Variants in ASB2 observed in about 807,000 individuals in gnomAD.
The protein encoded by ASB2 is ankyrin repeat and SOCS box protein 2.
In ASB2, 58 loss-of-function variants were observed where a neutral mutation model predicts 62.4. The observed-to-expected ratio is 0.93, with a 90% CI of 0.75 to 1.16. The LOEUF (loss-of-function observed/expected upper bound fraction) is 1.16. ASB2 is among the 50% of genes most tolerant of loss of function. The pLI is 0.00. For synonymous variants in ASB2, 386 were observed against 385.3 expected (o/e 1.00, Z -0.02); for missense variants, 928 against 887.9 (o/e 1.05, Z -0.57).
Position 93,966,170 on chromosome 14 carries a change from T to C in ASB2, c.-73-1558A>G, listed in dbSNP as rs550753674. 5.3e-5 allele frequency among the ~76,000 whole-genome samples: 8 copies of C among 152,366 alleles called. No individual in the cohort carries two copies. The South Asian group carries it at 1.7e-3, about 32-fold the overall frequency. Reference sequence around the variant, plus strand: ...GGCTGGCCAAACAGCTCCATTTTCATAGGGTGTGGCAGATCCTGCGGATAG... The same window carrying C: ...GGCTGGCCAAACAGCTCCATTTTCACAGGGTGTGGCAGATCCTGCGGATAG... On this transcript the variant is annotated intron_variant, in intron 1 of 9. Coordinates refer to ENST00000555019, the MANE Select transcript of ASB2 (RefSeq NM_001202429.2).
chr14:93,961,043 C>G (rs574960035), intron 2 of ASB2, among the ~76,000 whole-genome samples: 1 of 152,288 alleles, frequency 6.6e-6, no homozygotes, highest in Admixed American at 6.5e-5. Flanking sequence ...TGGGAACACT[C>G]TCAGGAGGGT....
At chr14:93,939,803 C>G in intron 7 of ASB2, 131 bp from the exon 8 acceptor site, 2 of 710,372 alleles carry the variant, frequency 2.8e-6, no homozygotes. Flanking sequence ...CGACGCGGAT[C>G]CCACCGGCAG....
rs981187741 is a variant in ASB2 at position 93,957,252 on chromosome 14, C to A, written c.207-382G>T. 1.3e-5 allele frequency: 15 copies of A among 1,189,302 alleles called. No individual in the cohort carries two copies. The African/African-American group carries it at 2.4e-4, about 19-fold the overall frequency. The allele number at this position is 1,189,302 out of a possible 1,614,324, so 73.7% of individuals were successfully genotyped here. On this transcript the variant is annotated intron_variant, in intron 2 of 9. Transcript: ENST00000555019. ...GGTCCCAGGATGAAAGGGGCTCAGGCTCACTGCTGGCCAGGCAGATCCCTG... is the reference window on the plus strand; with the variant it reads ...GGTCCCAGGATGAAAGGGGCTCAGGATCACTGCTGGCCAGGCAGATCCCTG...
chr14:93,934,335 G>A lies in ASB2; in HGVS notation c.*321C>T, dbSNP rs1161483103. ...TGGAGGGGCACAGGGAAGGCTCTGA[G>A]CACCACCTTCCCCAGAACACCTCAA... On this transcript the variant is annotated 3_prime_UTR_variant, in exon 10 of 10. Coordinates refer to ENST00000555019, the MANE Select transcript of ASB2 (RefSeq NM_001202429.2). 2 of 449,754 alleles carry A rather than the reference G, an allele frequency of 4.4e-6. No homozygotes were observed. The highest frequency in any genetic ancestry group is 8.5e-6 in the Non-Finnish European group (2 of 235,712). The allele number at this position is 449,754 out of a possible 1,614,324, so 27.9% of individuals were successfully genotyped here.
Position 93,955,220 on chromosome 14 carries a change from G to A in ASB2, c.312-737C>T, listed in dbSNP as rs573509366. On this transcript the variant is annotated intron_variant, in intron 3 of 9. Coordinates refer to ENST00000555019, the MANE Select transcript of ASB2 (RefSeq NM_001202429.2). ...CCCAGATGGAGAAGGTGAGGCTGGA[G>A]GCAGGCCTCATTCCCAGGACACCCA... is the stretch of plus-strand genomic sequence containing the variant. 4.3e-4 allele frequency: 195 copies of A among 453,550 alleles called. 1 individual carries two copies. The Admixed American group carries it at 4.6e-3, about 11-fold the overall frequency. 28.1% of individuals were successfully genotyped at this position (453,550 alleles called of 1,614,324 possible).
In ASB2 at chr14:93,947,453, A is replaced by C. The variant is rs776188324; in HGVS notation, c.948T>G (p.His316Gln). ...SALYEACKNE[H>Q]EEVVEFLLSQ... ...ACAGCAGAAACTCCACCACCTCCTCATGCTCATTCTTGCAGGCCTCGTAGA... is the reference window on the plus strand; with the variant it reads ...ACAGCAGAAACTCCACCACCTCCTCCTGCTCATTCTTGCAGGCCTCGTAGA... The change falls in exon 7 of 10, where the codon CAT becomes CAG. Residue 316 changes from histidine (H) to glutamine (Q), a missense_variant. His to Gln is a conservative substitution (Grantham distance 24). Coordinates refer to ENST00000555019, the MANE Select transcript of ASB2 (RefSeq NM_001202429.2). 1 of 1,614,114 alleles carries C rather than the reference A, an allele frequency of 6.2e-7. No homozygotes were observed. Among genetic ancestry groups the C allele is most frequent in the Non-Finnish European group, 8.5e-7 (1 of 1,180,006 alleles).
At chr14:93,957,009 A>G (rs1236062763) in intron 2 of ASB2, 139 bp from the exon 3 acceptor site, 5 of 1,539,422 alleles carry the variant, frequency 3.2e-6, no homozygotes, top group Non-Finnish European at 4.4e-6. Context: ...GAACCAAAGC[A>G]GATGGCCGGG....
At position 93,939,494 on chromosome 14, in the gene ASB2, G is replaced by C. The variant is rs757932080; in HGVS notation, c.1231C>G (p.Arg411Gly). The C allele has an allele frequency of 3.1e-6, 5 of 1,610,780 alleles. No homozygotes were observed. Among genetic ancestry groups the C allele is most frequent in the Non-Finnish European group, 4.2e-6 (5 of 1,178,994 alleles). The change falls in exon 8 of 10, where the codon CGC (arginine) becomes GGC (glycine). Residue 411 changes from arginine to glycine, a missense_variant. Physicochemically the swap from Arg to Gly is moderately radical, Grantham distance 125. Transcript: ENST00000555019. ...ACCGCGAAGTACAGCGCGGAGCTGC[G>C]CCGGTCTTCGTAGAGGCGCGCGCGC... ...PERARLYEDR[R>G]SSALYFAVVN...
At chr14:93,954,136 G>A (rs1889082587) in intron 4 of ASB2, 181 bp downstream of exon 4, 1 of 600,136 alleles carries the variant, frequency 1.7e-6, no homozygotes, top group South Asian at 2.0e-5. Flanking sequence ...GGTGGCAGCA[G>A]GGGGTGGGGA....
At chr14:93,942,846 A>G (rs571875513) in intron 7 of ASB2, among the ~76,000 whole-genome samples, 17 of 140,518 alleles carry the variant, frequency 1.2e-4, no homozygotes, top group Admixed American at 6.9e-4. Flanking sequence ...AATTGTAATA[A>G]TAGTGATGAT....
chr14:93,934,750 C>A lies in ASB2; in HGVS notation c.1814G>T (p.Arg605Leu). Residue 605 changes from arginine to leucine, a missense_variant, in exon 10 of 10, where the codon CGA (arginine) becomes CTA (leucine). Physicochemically the swap from Arg to Leu is moderately radical, Grantham distance 102 (BLOSUM62 -2). Coordinates refer to ENST00000555019, the MANE Select transcript of ASB2 (RefSeq NM_001202429.2). ...PLAHLCRLRV[R>L]KAIGKYRIKL... ...TATACGGTATTTCCCAATGGCCTTT[C>A]GAACCCGCAGTCGGCAAAGGTGAGC... The A allele has an allele frequency of 6.2e-7, 1 of 1,613,660 alleles. No homozygotes were observed. The highest frequency in any genetic ancestry group is 1.1e-5 in the South Asian group (1 of 91,074).
chr14:93,976,367 C>T lies in ASB2; in HGVS notation c.-74+67G>A, dbSNP rs563235823. 11 of 152,196 alleles carry T rather than the reference C, an allele frequency of 7.2e-5. No homozygotes were observed. In the South Asian group the frequency reaches 1.2e-3, roughly 17 times the overall value. 9.4% of individuals were successfully genotyped at this position (152,196 alleles called of 1,614,324 possible). A position where few individuals can be genotyped will look rare whatever the true frequency, so the allele number is the denominator to read the frequency against. ...AGCGGTTTCCAGTAAGTACTGCAGC[C>T]GAAAATCCCCACCAGCCAAAGAATC... On this transcript the variant is annotated intron_variant, in intron 1 of 9. Transcript: ENST00000555019.
chr14:93,936,184 C>T (rs996712477), intron 9 of ASB2, among the ~76,000 whole-genome samples: 6 of 152,202 alleles, frequency 3.9e-5, no homozygotes, highest in African/African-American at 1.4e-4. Flanking sequence ...AGTTCCTTCC[C>T]AGAATAAGGA....
At chr14:93,973,215 C>G (rs1442314675) in intron 1 of ASB2, among the ~76,000 whole-genome samples, 1 of 152,152 alleles carries the variant, frequency 6.6e-6, no homozygotes, top group Non-Finnish European at 1.5e-5. Flanking sequence ...GCTCCCACGC[C>G]AGCAGACACT....
intron 7 of ASB2, chr14:93,942,235 C>G: frequency 2.2e-6 from 1 of 456,068 alleles, no homozygotes; most frequent in Non-Finnish European, 4.4e-6. Flanking sequence ...ATTGCTCAAG[C>G]GGCACCTCAT....
chr14:93,972,975 C>A lies in ASB2; in HGVS notation c.-74+3459G>T, dbSNP rs181177400. Among the ~76,000 whole-genome samples the A allele has an allele frequency of 4.6e-5, 7 of 152,308 alleles. No individual in the cohort carries two copies. The East Asian group carries it at 1.4e-3, about 29-fold the overall frequency. ...CACCACCGGCTGCGTCATCTCAGAC[C>A]TTTTGATGCTGATTTCAAGCTCCCG... On this transcript the variant is annotated intron_variant, in intron 1 of 9. Coordinates refer to ENST00000555019, the MANE Select transcript of ASB2 (RefSeq NM_001202429.2).
rs1252542349 is a variant in ASB2 at position 93,937,623 on chromosome 14, C to G, written c.1771+75G>C. 3 of 1,466,216 alleles carry G rather than the reference C, an allele frequency of 2.0e-6. No homozygotes were observed. In the African/African-American group the frequency reaches 4.2e-5, roughly 20 times the overall value. The allele number at this position is 1,466,216 out of a possible 1,614,324, so 90.8% of individuals were successfully genotyped here. ...AGGTGCTCACAGGGTTAGGAACAGT[C>G]GCACTCCCTGAGGCCTGGGACTCTG... On this transcript the variant is annotated intron_variant, in intron 9 of 9. Transcript: ENST00000555019.
chr14:93,938,430 C>T (rs1888360805), intron 8 of ASB2, among the ~76,000 whole-genome samples: 1 of 151,920 alleles, frequency 6.6e-6, no homozygotes, highest in South Asian at 2.1e-4. Flanking sequence ...TTAGTTAAGA[C>T]GGGGTTTCAC....
At chr14:93,969,755 C>T (rs1202508031) in intron 1 of ASB2, among the ~76,000 whole-genome samples, 1 of 152,132 alleles carries the variant, frequency 6.6e-6, no homozygotes, top group Admixed American at 6.5e-5. Context: ...AGGCCTGGCC[C>T]CGCAGGGCCT....
Sources: gnomAD v4.1 joint callset for allele counts (sites outside exome capture counted in the v4.1 genomes callset) on GRCh38, gnomAD v4.1.1 for gene constraint, MANE v1.5 for transcripts, NCBI Gene and HGNC (gene_info 2026-07-23, HGNC 2026-07-21) for gene names.